MSR1: variants seen among roughly 807,000 people sequenced by gnomAD.
The protein encoded by MSR1 is macrophage scavenger receptor 1.
Under a neutral mutation model 47.2 loss-of-function variants are expected in MSR1, and 53 were observed. That is an observed-to-expected ratio of 1.12 (90% confidence interval 0.90 to 1.41). The LOEUF (loss-of-function observed/expected upper bound fraction) is 1.41, where lower values mean the gene tolerates loss of function less well. Among genes scored for constraint, MSR1 ranks in the 40% most tolerant of loss-of-function variants. The pLI is 0.00. For synonymous variants in MSR1, 239 were observed against 185.6 expected (o/e 1.29, Z -2.34); for missense variants, 786 against 546.9 (o/e 1.44, Z -4.36).
At chr8:16,144,109 C>T (rs1585157213) in intron 7 of MSR1, among the ~76,000 whole-genome samples, 1 of 151,974 alleles carries the variant, frequency 6.6e-6, no homozygotes, top group African/African-American at 2.4e-5. Flanking sequence ...ATCCTTGGAG[C>T]GTTCACATCT....
intron 3 of MSR1, among the ~76,000 whole-genome samples, chr8:16,169,387 G>A (rs1305610681): frequency 1.3e-5 from 2 of 152,114 alleles, no homozygotes; most frequent in South Asian, 2.1e-4. Flanking sequence ...TCTTTCACTT[G>A]AGCTGCCAGA....
chr8:16,140,810 G>T (rs1051897633), intron 8 of MSR1: 3 of 1,523,910 alleles, frequency 2.0e-6, no homozygotes, highest in African/African-American at 2.8e-5. Context: ...ATGAGCATGG[G>T]AGCAGAGGCC....
intron 6 of MSR1, among the ~76,000 whole-genome samples, chr8:16,153,125 T>C (rs1198960172): frequency 3.3e-5 from 5 of 151,986 alleles, no homozygotes; most frequent in Non-Finnish European, 5.9e-5. Flanking sequence ...TGATTGTGAG[T>C]CTAGGTGAGT....
rs957271986 is a variant in MSR1, at chr8:16,140,616, G to C, written c.1033+2942C>G. ...ACTGAAACATCACTCTTCCAAGTTA[G>C]GGTGAGAACACAGCAGTTCTCCTAG... On this transcript the variant is annotated intron_variant, in intron 8 of 9. Coordinates refer to ENST00000262101, the MANE Select transcript of MSR1 (RefSeq NM_138715.3). 46 of 1,102,688 alleles carry C rather than the reference G, an allele frequency of 4.2e-5. 1 individual carries two copies. The Admixed American group carries it at 1.7e-3, about 41-fold the overall frequency. The allele number at this position is 1,102,688 out of a possible 1,614,324, so 68.3% of individuals were successfully genotyped here. A position where few individuals can be genotyped will look rare whatever the true frequency, so the allele number is the denominator to read the frequency against.
chr8:16,144,557 A>G (rs528521535), intron 7 of MSR1, among the ~76,000 whole-genome samples: 2 of 152,278 alleles, frequency 1.3e-5, no homozygotes, highest in African/African-American at 2.4e-5. Context: ...CTTCAAAATA[A>G]TAATAGTAAT....
At chr8:16,136,329 C>T (rs1011325687) in intron 8 of MSR1, among the ~76,000 whole-genome samples, 10 of 152,088 alleles carry the variant, frequency 6.6e-5, no homozygotes, top group Admixed American at 5.2e-4. Context: ...GCAAGACCCT[C>T]CACCAGAAAA....
intron 9 of MSR1, among the ~76,000 whole-genome samples, chr8:16,119,870 CT>C (rs35520763): frequency 0.7 from 66,866 of 95,388 alleles, 23,649 homozygotes; most frequent in Middle Eastern, 0.8. Flanking sequence ...TCACGCCTGG[CT>C]TTTTTTTTTT....
rs5889636 is a variant in MSR1 at position 16,166,936 on chromosome 8, TACACACACACAC to T, written c.630+1510_630+1521del. 6.1e-5 allele frequency among the ~76,000 whole-genome samples: 9 copies of T among 147,070 alleles called. No homozygotes were observed. The East Asian group carries it at 1.8e-3, about 30-fold the overall frequency. ...TGTTGTTTTTCAGTGTACACAGGAG[TACACACACACAC>T]ACACACACACACACACACACATGCA... On this transcript the variant is annotated intron_variant, in intron 4 of 9. Transcript: ENST00000262101.
intron 8 of MSR1, among the ~76,000 whole-genome samples, chr8:16,136,871 G>A (rs1426578287): frequency 6.6e-6 from 1 of 151,972 alleles, no homozygotes; most frequent in East Asian, 1.9e-4. Flanking sequence ...AAAGCGCTGG[G>A]ATTACACGTG....
chr8:16,174,674 A>C (rs34097148), intron 3 of MSR1, among the ~76,000 whole-genome samples: 2 of 152,298 alleles, frequency 1.3e-5, no homozygotes, highest in Non-Finnish European at 2.9e-5. Flanking sequence ...GATTTTACTA[A>C]GTTGTAGGCC....
At position 16,155,057 on chromosome 8, in the gene MSR1, A is replaced by C. The variant is rs748603261; in HGVS notation, c.898+7T>G. The C allele has an allele frequency of 2.4e-5, 38 of 1,608,030 alleles. No homozygotes were observed. In the African/African-American group the frequency reaches 3.7e-4, roughly 16 times the overall value. ...AGTATATGATTAAATAGCTAAAATT[A>C]CCATACCTATTGGACCTGGAAATCC... On this transcript the variant is annotated splice_region_variant and intron_variant, in intron 6 of 9. Transcript: ENST00000262101.
intron 4 of MSR1, 42 bp from the exon 5 acceptor site, chr8:16,164,293 A>C (rs201075420): frequency 4.5e-6 from 7 of 1,541,016 alleles, no homozygotes; most frequent in Admixed American, 3.4e-5. Context: ...TGTTACATAC[A>C]TAATTATCAA....
chr8:16,137,899 G>A (rs1006162891), intron 8 of MSR1, among the ~76,000 whole-genome samples: 1 of 151,854 alleles, frequency 6.6e-6, no homozygotes, highest in Non-Finnish European at 1.5e-5. Context: ...GGCTGAGGTG[G>A]GAGGATCATT....
At chr8:16,190,550 C>G (rs1478973349) in intron 1 of MSR1, among the ~76,000 whole-genome samples, 1 of 151,994 alleles carries the variant, frequency 6.6e-6, no homozygotes, top group African/African-American at 2.4e-5. Flanking sequence ...GGGTTATTAT[C>G]TATTCATATT....
intron 1 of MSR1, among the ~76,000 whole-genome samples, chr8:16,179,958 C>T (rs763025855): frequency 2.0e-5 from 3 of 151,238 alleles, no homozygotes; most frequent in Non-Finnish European, 2.9e-5. Flanking sequence ...ACTCTGTTTC[C>T]CAGGCTGGAG....
intron 8 of MSR1, among the ~76,000 whole-genome samples, chr8:16,129,675 G>A (rs561232355): frequency 3.3e-4 from 50 of 152,184 alleles, no homozygotes; most frequent in African/African-American, 1.2e-3. Flanking sequence ...TTGAGGACAG[G>A]AGGCAGAGAT....
At chr8:16,123,492 G>A in intron 8 of MSR1, among the ~76,000 whole-genome samples, 1 of 150,590 alleles carries the variant, frequency 6.6e-6, no homozygotes, top group East Asian at 2.0e-4. Flanking sequence ...CGTTTCTTTG[G>A]CAACAAGCTA....
intron 9 of MSR1, among the ~76,000 whole-genome samples, chr8:16,110,864 A>G (rs1292530033): frequency 6.6e-6 from 1 of 152,144 alleles, no homozygotes; most frequent in Non-Finnish European, 1.5e-5. Context: ...ATGACAAAGC[A>G]AAGGTTTTCC....
chr8:16,166,775 G>A (rs34044200), intron 4 of MSR1, among the ~76,000 whole-genome samples: 28 of 152,032 alleles, frequency 1.8e-4, no homozygotes, highest in African/African-American at 6.5e-4. Flanking sequence ...TAAGTGTTAT[G>A]CTGGTGTCAC....
Sources: gnomAD v4.1 joint callset for allele counts (sites outside exome capture counted in the v4.1 genomes callset) on GRCh38, gnomAD v4.1.1 for gene constraint, MANE v1.5 for transcripts, NCBI Gene and HGNC (gene_info 2026-07-23, HGNC 2026-07-21) for gene names.